C3orf70: variants seen among roughly 807,000 people sequenced by gnomAD.
C3orf70 encodes chromosome 3 open reading frame 70.
A neutral mutation model predicts 20.7 loss-of-function variants in C3orf70; 15 were observed. That is an observed-to-expected ratio of 0.72 (90% confidence interval 0.48 to 1.11). The LOEUF (loss-of-function observed/expected upper bound fraction) is 1.11. Ranked by LOEUF, C3orf70 falls within the 50% of genes most tolerant of loss-of-function variation. The probability of loss-of-function intolerance (pLI) is 0.00; values close to 1 mark genes in which losing one functional copy is unlikely to be tolerated. For synonymous variants in C3orf70, 161 were observed against 125.7 expected (o/e 1.28, Z -1.88); for missense variants, 332 against 317.6 (o/e 1.05, Z -0.34).
At chr3:185,105,147 G>A (rs1156909260) in intron 1 of C3orf70, among the ~76,000 whole-genome samples, 3 of 152,176 alleles carry the variant, frequency 2.0e-5, no homozygotes, top group Non-Finnish European at 2.9e-5. Flanking sequence ...GACTACAACT[G>A]TATTCTATAT....
chr3:185,083,586 T>G, intron 1 of C3orf70, 23 bp from the exon 2 acceptor site: 1 of 1,536,946 alleles, frequency 6.5e-7, no homozygotes, highest in Non-Finnish European at 8.7e-7. Context: ...AAAAAGACAC[T>G]TGAAATCTAT....
Position 185,080,652 on chromosome 3 carries a change from C to G in C3orf70, c.*2355G>C, listed in dbSNP as rs1715316119. 2 of 152,398 alleles carry G rather than the reference C, an allele frequency of 1.3e-5. No homozygotes were observed. Among genetic ancestry groups the G allele is most frequent in the South Asian group, 4.1e-4 (2 of 4,830 alleles). 9.4% of individuals were successfully genotyped at this position (152,398 alleles called of 1,614,324 possible). A position where few individuals can be genotyped will look rare whatever the true frequency, so the allele number is the denominator to read the frequency against. ...ATGACTGCACTGCTGTGGCCTGACA[C>G]ACGGCTTGCAGGCATTTGGCTTCCA... On this transcript the variant is annotated 3_prime_UTR_variant, in exon 2 of 2. Transcript: ENST00000335012.
chr3:185,104,270 C>G (rs118092526), intron 1 of C3orf70, among the ~76,000 whole-genome samples: 1 of 152,194 alleles, frequency 6.6e-6, no homozygotes, highest in East Asian at 1.9e-4. Context: ...GACCAGTAAC[C>G]CTGACCTGTT....
In C3orf70 at chr3:185,148,184, ATAAG is replaced by A. The variant is rs1356606681; in HGVS notation, c.196+4440_196+4443del. ...TTCATCACAGCTACAACTGCAACCTATAAGTAAGTAAATTACTTACATATTATTT... is the reference window on the plus strand; with the variant it reads ...TTCATCACAGCTACAACTGCAACCTATAAGTAAATTACTTACATATTATTT... On this transcript the variant is annotated intron_variant, in intron 1 of 1. Transcript: ENST00000335012. Among the ~76,000 whole-genome samples the A allele has an allele frequency of 5.3e-5, 8 of 152,340 alleles. 1 individual carries two copies. The South Asian group carries it at 8.3e-4, about 16-fold the overall frequency.
chr3:185,097,658 A>G (rs1577321028), intron 1 of C3orf70, among the ~76,000 whole-genome samples: 1 of 152,342 alleles, frequency 6.6e-6, no homozygotes, highest in Admixed American at 6.5e-5. Context: ...CTGGCCAAGG[A>G]TAATACAGCT....
chr3:185,113,937 C>A (rs1716126044), intron 1 of C3orf70, among the ~76,000 whole-genome samples: 1 of 152,146 alleles, frequency 6.6e-6, no homozygotes, highest in Non-Finnish European at 1.5e-5. Flanking sequence ...TGGTGGCTCA[C>A]GCCTGTAAAC....
chr3:185,104,905 C>T (rs1318611495), intron 1 of C3orf70, among the ~76,000 whole-genome samples: 4 of 152,126 alleles, frequency 2.6e-5, no homozygotes, highest in African/African-American at 7.2e-5. Flanking sequence ...ATTGGTACAA[C>T]GAACTCCTAT....
At chr3:185,119,640 C>T (rs9822260) in intron 1 of C3orf70, among the ~76,000 whole-genome samples, 7,912 of 152,072 alleles carry the variant, frequency 0.052, 666 homozygotes, top group African/African-American at 0.18. Flanking sequence ...AGTTAATCTC[C>T]GAATTTTTCA....
intron 1 of C3orf70, among the ~76,000 whole-genome samples, chr3:185,144,810 A>AG (rs1716822243): frequency 6.6e-6 from 1 of 152,224 alleles, no homozygotes; most frequent in Non-Finnish European, 1.5e-5. Context: ...TCTGTGAGGT[A>AG]GGATTTCTTT....
At chr3:185,116,066 G>A (rs1057463122) in intron 1 of C3orf70, among the ~76,000 whole-genome samples, 4 of 152,304 alleles carry the variant, frequency 2.6e-5, no homozygotes, top group African/African-American at 9.6e-5. Flanking sequence ...GCTATGCCTA[G>A]GTGGATAAGT....
chr3:185,111,886 A>G (rs1465604391), intron 1 of C3orf70, among the ~76,000 whole-genome samples: 1 of 152,250 alleles, frequency 6.6e-6, no homozygotes, highest in African/African-American at 2.4e-5. Flanking sequence ...TGCCTGACAA[A>G]GAATTCAAAA....
chr3:185,144,286 T>TC (rs1716813010), intron 1 of C3orf70, among the ~76,000 whole-genome samples: 1 of 152,028 alleles, frequency 6.6e-6, no homozygotes, highest in South Asian at 2.1e-4. Context: ...TTAAGTAACT[T>TC]CCCCAAACCA....
chr3:185,122,797 T>C (rs1716329757), intron 1 of C3orf70, among the ~76,000 whole-genome samples: 1 of 150,978 alleles, frequency 6.6e-6, no homozygotes, highest in African/African-American at 2.5e-5. Flanking sequence ...AAAGAACAAA[T>C]ACAAAAGGCA....
At chr3:185,086,753 C>G (rs1216704698) in intron 1 of C3orf70, among the ~76,000 whole-genome samples, 1 of 152,068 alleles carries the variant, frequency 6.6e-6, no homozygotes, top group South Asian at 2.1e-4. Context: ...AATGTGTTTA[C>G]TCAGAGCGAG....
chr3:185,117,130 T>C (rs62289778), intron 1 of C3orf70, among the ~76,000 whole-genome samples: 9,192 of 152,278 alleles, frequency 0.06, 377 homozygotes, highest in South Asian at 0.11. Context: ...AAAATCAACA[T>C]TTATTACCAA....
rs1194643461 is a variant in C3orf70 at position 185,083,054 on chromosome 3, A to AG, written c.705dup (p.Ser236LeufsTer4). On this transcript the variant is annotated frameshift_variant, in exon 2 of 2. Coordinates refer to ENST00000335012, the MANE Select transcript of C3orf70 (RefSeq NM_001025266.3). LOFTEE classifies it high-confidence loss of function. ...TCAATCACTTCCAGGTCAGACTGCG[A>AG]GGGGGAGAGAAGGGTGCACTCATCC... The AG allele has an allele frequency of 5.0e-6, 8 of 1,610,808 alleles. No homozygotes were observed. The highest frequency in any genetic ancestry group is 6.8e-6 in the Non-Finnish European group (8 of 1,178,486).
At chr3:185,093,547 G>A (rs1224108319) in intron 1 of C3orf70, among the ~76,000 whole-genome samples, 4 of 152,062 alleles carry the variant, frequency 2.6e-5, no homozygotes, top group East Asian at 1.9e-4. Context: ...AGTGTAGAAT[G>A]CATCCCCCTT....
intron 1 of C3orf70, among the ~76,000 whole-genome samples, chr3:185,091,508 G>C (rs1453014833): frequency 6.6e-6 from 1 of 152,084 alleles, no homozygotes; most frequent in Admixed American, 6.6e-5. Context: ...ACTGGAAAGA[G>C]AAGAGATGGG....
At chr3:185,147,605 C>G (rs938989926) in intron 1 of C3orf70, among the ~76,000 whole-genome samples, 1 of 152,196 alleles carries the variant, frequency 6.6e-6, no homozygotes, top group African/African-American at 2.4e-5. Flanking sequence ...ACTATGTGCC[C>G]GTGGAAAAGC....
Sources: gnomAD v4.1 joint callset for allele counts (sites outside exome capture counted in the v4.1 genomes callset) on GRCh38, gnomAD v4.1.1 for gene constraint, MANE v1.5 for transcripts, NCBI Gene and HGNC (gene_info 2026-07-23, HGNC 2026-07-21) for gene names.